MYH14: variants seen among roughly 807,000 people sequenced by gnomAD.
MYH14 encodes the protein myosin-14.
Under a neutral mutation model 255.5 loss-of-function variants are expected in MYH14, and 123 were observed. The ratio of observed to expected loss-of-function variants is 0.48; its 90% CI spans 0.42 to 0.56. The LOEUF is 0.56. MYH14 is among the 20% of genes least tolerant of loss of function. The pLI, the probability that MYH14 is intolerant of heterozygous loss-of-function variation, is 0.00. For missense variants in MYH14, 2,423 were observed against 2,802.3 expected (o/e 0.86, Z 3.06); for synonymous variants, 1,095 against 1,161.2 (o/e 0.94, Z 1.16).
At chr19:50,273,392 C>T (rs574069106) in intron 27 of MYH14, among the ~76,000 whole-genome samples, 1 of 151,648 alleles carries the variant, frequency 6.6e-6, no homozygotes, top group Admixed American at 6.6e-5. Context: ...TGCCAAGTGG[C>T]CTATGTTAGG....
chr19:50,281,848 G>T lies in MYH14; in HGVS notation c.4539+6G>T. ...AGCAGCGCAAGTTTGACCAGGTGGG[G>T]CACCTCAGTTCACCCAGCCGGGGAA... On this transcript the variant is annotated splice_donor_region_variant and intron_variant, in intron 33 of 42. Coordinates refer to ENST00000642316, the MANE Select transcript of MYH14 (RefSeq NM_001145809.2). 1.2e-6 allele frequency: 2 copies of T among 1,607,882 alleles called. No individual in the cohort carries two copies. Among genetic ancestry groups the T allele is most frequent in the East Asian group, 2.2e-5 (1 of 44,750 alleles).
chr19:50,288,005 C>T (rs968336389), intron 34 of MYH14, among the ~76,000 whole-genome samples: 3 of 152,172 alleles, frequency 2.0e-5, no homozygotes, highest in Admixed American at 2.0e-4. Flanking sequence ...ACTCGTGTAT[C>T]CCTCCAGGGC....
At chr19:50,251,724 C>A (rs1482895503) in intron 15 of MYH14, among the ~76,000 whole-genome samples, 1 of 151,990 alleles carries the variant, frequency 6.6e-6, no homozygotes, top group East Asian at 1.9e-4. Flanking sequence ...ATTACAGGCA[C>A]CTGCCACCAT....
At chr19:50,210,202 T>G (rs1474086562) in intron 1 of MYH14, among the ~76,000 whole-genome samples, 161 bp from the exon 2 acceptor site, 1 of 144,352 alleles carries the variant, frequency 6.9e-6, no homozygotes, top group Admixed American at 7.0e-5. Context: ...GGTGAATGAA[T>G]GAAATGAGTA....
chr19:50,227,053 G>GTAAGGGGTCCCTGCA, intron 8 of MYH14, 87 bp downstream of exon 8: 1 of 1,343,160 alleles, frequency 7.4e-7, no homozygotes, highest in Non-Finnish European at 1.1e-6. Context: ...CCCACTGCAG[G>GTAAGGGGTCCCTGCA]GACCCCTTAC....
In MYH14 at chr19:50,206,935, C is replaced by G. The variant is rs544463654; in HGVS notation, c.-4+3264C>G. Among the ~76,000 whole-genome samples, 177 of 150,562 alleles carry G rather than the reference C, an allele frequency of 1.2e-3. 2 individuals carry two copies. The highest frequency in any genetic ancestry group is 1.9e-3 in the Non-Finnish European group (131 of 67,730). ...TGAGGCAGTGGATGAGAGTAGGGGC[C>G]GGGCGTAGTGGCTCATGTCTGTAAT... On this transcript the variant is annotated intron_variant, in intron 1 of 42. Coordinates refer to ENST00000642316, the MANE Select transcript of MYH14 (RefSeq NM_001145809.2).
In MYH14 at chr19:50,260,715, G is replaced by A. The variant is rs751928048; in HGVS notation, c.2424G>A (p.Met808Ile). The A allele has an allele frequency of 3.5e-5, 56 of 1,611,556 alleles. No homozygotes were observed. The highest frequency in any genetic ancestry group is 1.9e-4 in the South Asian group (17 of 90,900). ...ATGGGAAGCAGGCCTGTGAAAAGAT[G>A]GTGAGTGGGGCAGAGCCTGGAATGC... Reference protein sequence around the residue: ...FMDGKQACEKMIQALELDPNL... With the variant: ...FMDGKQACEKIIQALELDPNL... The change falls in exon 20 of 43, where the codon ATG becomes ATA. Residue 808 changes from methionine (M) to isoleucine (I), a missense_variant and splice_region_variant. Physicochemically the swap from Met to Ile is conservative, Grantham distance 10. Around this residue, in one of 3 missense-constraint regions of MYH14, gnomAD observed 1,513 missense variants for 1,674.8 expected, o/e 0.90. Transcript: ENST00000642316.
chr19:50,258,741 A>AAAAAAAAAAAAAAAAAAAAC (rs761216499), intron 18 of MYH14: 3 of 145,602 alleles, frequency 2.1e-5, no homozygotes, highest in Admixed American at 6.8e-5. Context: ...AAAAAAAAAA[A>AAAAAAAAAAAAAAAAAAAAC]AAACGAACAA....
rs960062391 is a variant in MYH14 at position 50,210,581 on chromosome 19, C to T, written c.216C>T (p.Asp72=). 9 of 1,576,480 alleles carry T rather than the reference C, an allele frequency of 5.7e-6. No individual in the cohort carries two copies. Among genetic ancestry groups the T allele is most frequent in the African/African-American group, 1.4e-5 (1 of 74,040 alleles). Residue 72 remains aspartate (D), a synonymous_variant, in exon 2 of 43, where the codon GAC becomes GAT. Coordinates refer to ENST00000642316, the MANE Select transcript of MYH14 (RefSeq NM_001145809.2). ...LHGFEAAALR[D]EGEEEAEVEL... is the part of the protein sequence containing the mutation. The stretch of plus-strand genomic sequence containing the variant: ...GGTTCGAGGCGGCGGCGCTGCGGGA[C>T]GAAGGCGAGGAGGAGGCGGAGGTGG...
At chr19:50,296,011 G>A (rs1235819916) in intron 39 of MYH14, among the ~76,000 whole-genome samples, 1 of 151,836 alleles carries the variant, frequency 6.6e-6, no homozygotes, top group African/African-American at 2.4e-5. Flanking sequence ...TCGGGAGGCT[G>A]GGGCAGAGAA....
rs1158581824 is a variant in MYH14 at position 50,230,353 on chromosome 19, CATG to C, written c.875-170_875-168del. The stretch of plus-strand genomic sequence containing the variant: ...AACTGAGGCACAAGTGCTTAAGTGA[CATG>C]AGCACGGCTGCTCTTCCAGTTAGTG... On this transcript the variant is annotated intron_variant, in intron 8 of 42. Coordinates refer to ENST00000642316, the MANE Select transcript of MYH14 (RefSeq NM_001145809.2). This position sits in a 1 kb window ranked among gnomAD's most constrained non-coding sequence, Gnocchi z 4.7. Among the ~76,000 whole-genome samples the C allele has an allele frequency of 6.6e-6, 1 of 152,210 alleles. No homozygotes were observed. The highest frequency in any genetic ancestry group is 1.5e-5 in the Non-Finnish European group (1 of 68,038).
chr19:50,301,769 G>A lies in MYH14; in HGVS notation c.5578G>A (p.Gly1860Ser), dbSNP rs1568557007. Residue 1860 changes from glycine to serine, a missense_variant, in exon 40 of 43, where the codon GGT becomes AGT. This residue lies in a region of MYH14 where 1,513 missense variants were observed against 1,674.8 expected (regional missense o/e 0.90). Coordinates refer to ENST00000642316, the MANE Select transcript of MYH14 (RefSeq NM_001145809.2). ...GATCCAGGAGCTACGGGGACGCCTG[G>A]GTGAGGAGGATGCTGGGGCCCGTGC... ...RQIQELRGRL[G>S]EEDAGARARH... 4 of 1,613,768 alleles carry A rather than the reference G, an allele frequency of 2.5e-6. No homozygotes were observed. The highest frequency in any genetic ancestry group is 1.3e-5 in the African/African-American group (1 of 74,904).
rs1357080641 is a variant in MYH14, at chr19:50,280,042, A to G, written c.4038A>G (p.Glu1346=). ...AAEKLQRAQA[E]LENVSGALNE... is the part of the protein sequence containing the mutation. ...TTCCCGTCCCTTCCCTGCAGGCTGA[A>G]CTGGAGAATGTGTCTGGGGCGCTGA... Residue 1346 remains glutamate, a synonymous_variant, in exon 31 of 43, where the codon GAA becomes GAG. Transcript: ENST00000642316. The surrounding 1 kb of genome is among the most constrained non-coding windows in gnomAD (Gnocchi z 4.8). 4 of 1,607,574 alleles carry G rather than the reference A, an allele frequency of 2.5e-6. No individual in the cohort carries two copies. The highest frequency in any genetic ancestry group is 3.4e-6 in the Non-Finnish European group (4 of 1,177,132).
chr19:50,292,137 G>A, intron 36 of MYH14, 124 bp from the exon 37 acceptor site: 1 of 1,015,286 alleles, frequency 9.8e-7, no homozygotes, highest in East Asian at 3.1e-5. Flanking sequence ...AGGTCTGCAG[G>A]GTTCGGAGAG....
chr19:50,278,812 T>TA (rs10605117), intron 30 of MYH14, among the ~76,000 whole-genome samples: 2,566 of 131,950 alleles, frequency 0.019, 35 homozygotes, highest in Non-Finnish European at 0.03. Flanking sequence ...CTGTCTCTAC[T>TA]AAAAAAAAAA....
At position 50,217,774 on chromosome 19, in the gene MYH14, G is replaced by T. The variant is rs1192284323; in HGVS notation, c.562+3G>T. Reference sequence around the variant, plus strand: ...GGCCTATCGGAGCATGCTGCAGGGTGAGTGCTGGGTGGGGCTGTAGGCCAG... The same window carrying T: ...GGCCTATCGGAGCATGCTGCAGGGTTAGTGCTGGGTGGGGCTGTAGGCCAG... On this transcript the variant is annotated splice_donor_region_variant and intron_variant, in intron 3 of 42. Transcript: ENST00000642316. 5 of 1,613,158 alleles carry T rather than the reference G, an allele frequency of 3.1e-6. No homozygotes were observed. Among genetic ancestry groups the T allele is most frequent in the Non-Finnish European group, 4.2e-6 (5 of 1,179,730 alleles).
intron 11 of MYH14, among the ~76,000 whole-genome samples, chr19:50,245,931 C>A (rs2034096387): frequency 1.1e-5 from 1 of 90,036 alleles, no homozygotes; most frequent in African/African-American, 3.4e-5. Context: ...ACTGGGATCC[C>A]TTCCCTCCCT....
intron 35 of MYH14, among the ~76,000 whole-genome samples, chr19:50,290,670 G>A (rs140837690): frequency 6.6e-6 from 1 of 152,328 alleles, no homozygotes; most frequent in Non-Finnish European, 1.5e-5. Context: ...GGGCTGGAGG[G>A]GAGAGATGAG....
intron 2 of MYH14, among the ~76,000 whole-genome samples, chr19:50,211,965 G>C (rs575913121): frequency 2.0e-5 from 3 of 152,126 alleles, no homozygotes; most frequent in Non-Finnish European, 2.9e-5. Flanking sequence ...TCCAGCCTGG[G>C]TAACAAATCA....
Sources: gnomAD v4.1 joint callset for allele counts (sites outside exome capture counted in the v4.1 genomes callset) on GRCh38, gnomAD v4.1.1 for gene constraint, gnomAD v4.1.1 regional missense constraint, Gnocchi (gnomAD v3.1) non-coding constraint, MANE v1.5 for transcripts, NCBI Gene and HGNC (gene_info 2026-07-23, HGNC 2026-07-21) for gene names.